The following EPG5 variants were observed in gnomAD, a reference collection of about 807,000 sequenced individuals.
The protein encoded by EPG5 is ectopic P granules protein 5 homolog.
In EPG5, 159 loss-of-function variants were observed where a neutral mutation model predicts 302.7. That is an observed-to-expected ratio of 0.53 (90% CI 0.46 to 0.60). The LOEUF (loss-of-function observed/expected upper bound fraction) is 0.60. Among genes scored for constraint, EPG5 ranks in the 20% least tolerant of loss-of-function variants. The probability of loss-of-function intolerance (pLI) is 0.00; values close to 1 mark genes in which losing one functional copy is unlikely to be tolerated. For missense variants in EPG5, 2,896 were observed against 3,092.4 expected (o/e 0.94, Z 1.51); for synonymous variants, 1,158 against 1,136.8 (o/e 1.02, Z -0.37).
At position 45,900,856 on chromosome 18, in the gene EPG5, A is replaced by C. The variant is rs75052800; in HGVS notation, c.4646+140T>G. ...AAGACTTGTCACAACTTGGTTAACC[A>C]AGTGAACCGTCTGGGCCAGGTTGGT... is the stretch of plus-strand genomic sequence containing the variant. On this transcript the variant is annotated intron_variant, in intron 26 of 43. Coordinates refer to ENST00000282041, the MANE Select transcript of EPG5 (RefSeq NM_020964.3). 0.011 allele frequency: 7,729 copies of C among 721,464 alleles called. 342 individuals are homozygous for C. In the African/African-American group the frequency reaches 0.11, roughly 10 times the overall value. The allele number at this position is 721,464 out of a possible 1,614,324, so 44.7% of individuals were successfully genotyped here.
chr18:45,958,593 C>G (rs1006492110), intron 1 of EPG5, among the ~76,000 whole-genome samples: 3 of 152,148 alleles, frequency 2.0e-5, no homozygotes, highest in African/African-American at 7.2e-5. Context: ...GGTGCTACAA[C>G]AACTGGATAT....
In EPG5 at chr18:45,913,831, A is replaced by C; in HGVS notation, c.3694-3T>G. 1.2e-6 allele frequency: 2 copies of C among 1,613,626 alleles called. No individual in the cohort carries two copies. Among genetic ancestry groups the C allele is most frequent in the Non-Finnish European group, 1.7e-6 (2 of 1,179,840 alleles). Reference sequence around the variant, plus strand: ...AGCACTGTCCAGGCAAACCAGACCTATAATGACACCAGATAAAGGGGAGGG... The same window carrying C: ...AGCACTGTCCAGGCAAACCAGACCTCTAATGACACCAGATAAAGGGGAGGG... On this transcript the variant is annotated splice_region_variant and splice_polypyrimidine_tract_variant and intron_variant, in intron 20 of 43. Transcript: ENST00000282041.
chr18:45,837,459 G>A, the EPG5 span: 1 of 1,423,034 alleles, frequency 7.0e-7, no homozygotes, highest in Non-Finnish European at 9.1e-7. Flanking sequence ...GGCCCCGGGT[G>A]CGGGCGCCTC....
chr18:45,862,983 C>T (rs1435611781), intron 39 of EPG5, among the ~76,000 whole-genome samples: 4 of 152,132 alleles, frequency 2.6e-5, no homozygotes, highest in Non-Finnish European at 5.9e-5. Flanking sequence ...GTGTTTTTCC[C>T]TCTAGTTCTA....
chr18:45,964,416 G>C (rs957328743), intron 1 of EPG5, among the ~76,000 whole-genome samples: 1 of 152,056 alleles, frequency 6.6e-6, no homozygotes, highest in Non-Finnish European at 1.5e-5. Flanking sequence ...CAATATCTTG[G>C]GGGAAAAAAA....
the EPG5 span, chr18:45,837,439 G>A: frequency 7.1e-7 from 1 of 1,410,596 alleles, no homozygotes; most frequent in Non-Finnish European, 9.2e-7. Flanking sequence ...CCTGGGTCGT[G>A]GGGTTTCCAG....
rs371292227 is a variant in EPG5 at position 45,929,021 on chromosome 18, G to A, written c.2413-12C>T. The A allele has an allele frequency of 2.4e-5, 38 of 1,610,284 alleles. No individual in the cohort carries two copies. Among genetic ancestry groups the A allele is most frequent in the Non-Finnish European group, 2.9e-5 (34 of 1,178,300 alleles). ...GTGACATAAGATACCTAAATGGGGG[G>A]AAGGGGGAAGAAGATGGCACTTTTA... On this transcript the variant is annotated splice_polypyrimidine_tract_variant and intron_variant, in intron 12 of 43. Coordinates refer to ENST00000282041, the MANE Select transcript of EPG5 (RefSeq NM_020964.3).
chr18:45,848,674 A>AGCCCTG lies in EPG5; in HGVS notation c.*3787_*3792dup, dbSNP rs1464386881. 1 of 152,308 alleles carries AGCCCTG rather than the reference A, an allele frequency of 6.6e-6. No individual in the cohort carries two copies. The highest frequency in any genetic ancestry group is 6.5e-5 in the Admixed American group (1 of 15,292). The allele number at this position is 152,308 out of a possible 1,614,324, so 9.4% of individuals were successfully genotyped here. On this transcript the variant is annotated 3_prime_UTR_variant, in exon 44 of 44. Coordinates refer to ENST00000282041, the MANE Select transcript of EPG5 (RefSeq NM_020964.3). ...CCAGGTGCCTCATTTGTCTCACCCT[A>AGCCCTG]GCCCTGGCCCTGCTAATCCGGGGCA... is the stretch of plus-strand genomic sequence containing the variant.
At chr18:45,891,273 C>T (rs372601346) in intron 27 of EPG5, among the ~76,000 whole-genome samples, 6 of 151,874 alleles carry the variant, frequency 4.0e-5, no homozygotes, top group South Asian at 2.1e-4. Flanking sequence ...CCGAGGTGCG[C>T]GGATCACTTG....
the EPG5 span, among the ~76,000 whole-genome samples, chr18:45,832,169 C>G: frequency 6.6e-6 from 1 of 152,250 alleles, no homozygotes; most frequent in South Asian, 2.1e-4. Context: ...GTGTTCAGTG[C>G]TCTACATACG....
At chr18:45,805,237 G>A in the EPG5 span, among the ~76,000 whole-genome samples, 1 of 152,020 alleles carries the variant, frequency 6.6e-6, no homozygotes, top group Admixed American at 6.5e-5. Flanking sequence ...AAAGAAATCT[G>A]AATAAAGTCT....
At chr18:45,835,506 A>C in the EPG5 span, among the ~76,000 whole-genome samples, 5 of 152,202 alleles carry the variant, frequency 3.3e-5, no homozygotes, top group Non-Finnish European at 7.3e-5. Flanking sequence ...GCTCAGGAAG[A>C]GAAGAGAAAA....
At position 45,908,022 on chromosome 18, in the gene EPG5, T is replaced by C. The variant is rs1020010664; in HGVS notation, c.4265A>G (p.Tyr1422Cys). The change falls in exon 24 of 44, where the codon TAT becomes TGT. Residue 1422 changes from tyrosine (Y) to cysteine (C), a missense_variant. Tyr to Cys is a radical substitution (Grantham distance 194, BLOSUM62 -2). Coordinates refer to ENST00000282041, the MANE Select transcript of EPG5 (RefSeq NM_020964.3). ...ATAATGCTTTGGTAGAGAAGGGATATAGGTATCTCCTTTTTGAAAATTCTC... is the reference window on the plus strand; with the variant it reads ...ATAATGCTTTGGTAGAGAAGGGATACAGGTATCTCCTTTTTGAAAATTCTC... ...EDENFQKGDT[Y>C]IPSLPKHYDI... 1.5e-5 allele frequency: 24 copies of C among 1,599,522 alleles called. No homozygotes were observed. The highest frequency in any genetic ancestry group is 1.3e-4 in the East Asian group (6 of 44,524).
At chr18:45,806,725 T>C in the EPG5 span, among the ~76,000 whole-genome samples, 1 of 152,176 alleles carries the variant, frequency 6.6e-6, no homozygotes, top group Non-Finnish European at 1.5e-5. Flanking sequence ...GTGAGCTCGC[T>C]GGGTCCCCTA....
intron 26 of EPG5, 97 bp from the exon 27 acceptor site, chr18:45,899,663 A>G: frequency 3.2e-6 from 4 of 1,249,850 alleles, no homozygotes; most frequent in South Asian, 2.7e-5. Flanking sequence ...ATTATAGTGC[A>G]GCAAAAGACA....
At chr18:45,818,713 T>C in the EPG5 span, among the ~76,000 whole-genome samples, 2 of 149,442 alleles carry the variant, frequency 1.3e-5, no homozygotes, top group African/African-American at 4.9e-5. Context: ...TTGACTTTAA[T>C]TGGGGTTTTT....
intron 13 of EPG5, among the ~76,000 whole-genome samples, chr18:45,926,186 C>T (rs1277488369): frequency 6.6e-6 from 1 of 152,156 alleles, no homozygotes; most frequent in Non-Finnish European, 1.5e-5. Flanking sequence ...CACACTAATG[C>T]ACATTTTTAA....
rs376498905 is a variant in EPG5 at position 45,939,758 on chromosome 18, G to A, written c.1944-3C>T. 114 of 1,612,696 alleles carry A rather than the reference G, an allele frequency of 7.1e-5. No individual in the cohort carries two copies. The highest frequency in any genetic ancestry group is 6.7e-4 in the African/African-American group (50 of 74,990). ...CACTTACATAACCAAGAGTCATCCT[G>A]AGCATGAGGAAAGATAATACAGTAC... On this transcript the variant is annotated splice_polypyrimidine_tract_variant and splice_region_variant and intron_variant, in intron 9 of 43. Coordinates refer to ENST00000282041, the MANE Select transcript of EPG5 (RefSeq NM_020964.3).
chr18:45,946,624 A>T, intron 7 of EPG5, 39 bp downstream of exon 7: 1 of 1,471,500 alleles, frequency 6.8e-7, no homozygotes, highest in Non-Finnish European at 9.5e-7. Flanking sequence ...AGAAGAGTTC[A>T]CAATGATTCA....
Sources: allele counts gnomAD v4.1 joint callset (sites outside exome capture counted in the v4.1 genomes callset), GRCh38; gene constraint gnomAD v4.1.1; transcripts MANE v1.5; gene names NCBI Gene and HGNC (gene_info 2026-07-23, HGNC 2026-07-21).